Variants in DYRK1A observed in about 807,000 individuals in gnomAD.
DYRK1A encodes dual specificity tyrosine-phosphorylation-regulated kinase 1A.
DYRK1A carries 9 observed loss-of-function variants against 79.7 expected under a neutral mutation model. The observed-to-expected ratio is 0.11, with a 90% CI of 0.07 to 0.20. The LOEUF (loss-of-function observed/expected upper bound fraction) is 0.20. Ranked by LOEUF, DYRK1A falls within the 10% of genes least tolerant of loss-of-function variation. The probability of loss-of-function intolerance (pLI) is 1.00; values close to 1 mark genes in which losing one functional copy is unlikely to be tolerated. For missense variants in DYRK1A, 622 were observed against 956.0 expected (o/e 0.65, Z 4.61); for synonymous variants, 349 against 329.7 (o/e 1.06, Z -0.63).
intron 2 of DYRK1A, among the ~76,000 whole-genome samples, chr21:37,439,057 T>C (rs1218991080): frequency 2.0e-5 from 3 of 152,238 alleles, no homozygotes; most frequent in South Asian, 4.1e-4. Context: ...TTTGTCACTA[T>C]TTTAAATGGC....
intron 2 of DYRK1A, among the ~76,000 whole-genome samples, chr21:37,469,957 A>G (rs1427744750): frequency 1.3e-5 from 2 of 152,142 alleles, no homozygotes; most frequent in African/African-American, 4.8e-5. Context: ...CATCCTGGCT[A>G]ACATGGTGAA....
chr21:37,490,711 G>T (rs916950803), intron 7 of DYRK1A, among the ~76,000 whole-genome samples: 1 of 151,740 alleles, frequency 6.6e-6, no homozygotes, highest in Non-Finnish European at 1.5e-5. Flanking sequence ...TAATTACCTT[G>T]TGTTGATATC....
chr21:37,461,253 A>G (rs762707898), intron 2 of DYRK1A, among the ~76,000 whole-genome samples: 22 of 152,180 alleles, frequency 1.4e-4, no homozygotes, highest in Non-Finnish European at 2.9e-4. Context: ...TAAGTTATAC[A>G]TTTATTTAAA....
rs902900492 is a variant in DYRK1A at position 37,490,092 on chromosome 21, A to G, written c.638-83A>G. On this transcript the variant is annotated intron_variant, in intron 6 of 11. Coordinates refer to ENST00000647188, the MANE Select transcript of DYRK1A (RefSeq NM_001347721.2). The stretch of plus-strand genomic sequence containing the variant: ...ACTCTGCATTTGATGTAATAATGTT[A>G]TAGAACATTTGAGAGTGCATGTGTT... The G allele has an allele frequency of 1.1e-5, 14 of 1,313,046 alleles. No individual in the cohort carries two copies. In the African/African-American group the frequency reaches 1.8e-4, roughly 17 times the overall value. The allele number at this position is 1,313,046 out of a possible 1,614,324, so 81.3% of individuals were successfully genotyped here.
intron 1 of DYRK1A, among the ~76,000 whole-genome samples, chr21:37,401,429 A>G (rs1426359647): frequency 6.7e-6 from 1 of 149,648 alleles, no homozygotes; most frequent in African/African-American, 2.5e-5. Context: ...ATTTCTCTAC[A>G]CCTTAAGATA....
intron 1 of DYRK1A, among the ~76,000 whole-genome samples, chr21:37,373,231 A>G (rs2049469158): frequency 6.6e-6 from 1 of 152,192 alleles, no homozygotes; most frequent in African/African-American, 2.4e-5. Context: ...GATTTTGAGA[A>G]TGTGAAATGA....
intron 2 of DYRK1A, 85 bp downstream of exon 2, chr21:37,420,469 A>G (rs2050445489): frequency 1.4e-6 from 2 of 1,395,670 alleles, no homozygotes; most frequent in Admixed American, 1.7e-5. Context: ...GAGGTTTCTG[A>G]TAAATAGCAG....
intron 2 of DYRK1A, among the ~76,000 whole-genome samples, chr21:37,465,793 C>T (rs1283555792): frequency 6.6e-6 from 1 of 151,962 alleles, no homozygotes; most frequent in East Asian, 1.9e-4. Flanking sequence ...GCCAAGAGTG[C>T]ACCACTGCCC....
In DYRK1A at chr21:37,389,686, G is replaced by C. The variant is rs536166231; in HGVS notation, c.-77+22058G>C. 3.0e-4 allele frequency among the ~76,000 whole-genome samples: 45 copies of C among 152,198 alleles called. 3 individuals are homozygous for C. The Middle Eastern group carries it at 0.01, about 35-fold the overall frequency. ...GTATTTAGGAGTAAGGCATAAAGCTGATGAGAGCTCTTTGCGAGGGTGAGG... is the reference window on the plus strand; with the variant it reads ...GTATTTAGGAGTAAGGCATAAAGCTCATGAGAGCTCTTTGCGAGGGTGAGG... On this transcript the variant is annotated intron_variant, in intron 1 of 11. Transcript: ENST00000647188.
intron 1 of DYRK1A, among the ~76,000 whole-genome samples, chr21:37,385,020 ATGT>A (rs1457799362): frequency 6.6e-6 from 1 of 152,022 alleles, no homozygotes; most frequent in Non-Finnish European, 1.5e-5. Flanking sequence ...ATTGTGGTTA[ATGT>A]TGACATCTTG....
At chr21:37,378,349 A>G (rs940859941) in intron 1 of DYRK1A, among the ~76,000 whole-genome samples, 1 of 152,198 alleles carries the variant, frequency 6.6e-6, no homozygotes, top group Non-Finnish European at 1.5e-5. Context: ...CCTGACCGAC[A>G]TGGAGAAACC....
intron 2 of DYRK1A, among the ~76,000 whole-genome samples, chr21:37,450,551 A>G (rs2148500251): frequency 6.6e-6 from 1 of 152,310 alleles, no homozygotes; most frequent in Admixed American, 6.5e-5. Context: ...ACACAAAAGA[A>G]TTATCACACC....
chr21:37,441,140 G>C (rs758130160), intron 2 of DYRK1A, among the ~76,000 whole-genome samples: 1 of 152,066 alleles, frequency 6.6e-6, no homozygotes, highest in African/African-American at 2.4e-5. Flanking sequence ...TTTATCATTG[G>C]AAAATAACTT....
intron 2 of DYRK1A, among the ~76,000 whole-genome samples, chr21:37,455,243 AG>A (rs1367819829): frequency 3.3e-5 from 5 of 152,098 alleles, no homozygotes; most frequent in African/African-American, 1.2e-4. Context: ...AGTTAACCTT[AG>A]AGCTGGGACC....
At position 37,434,232 on chromosome 21, in the gene DYRK1A, A is replaced by T. The variant is rs952660176; in HGVS notation, c.10+13848A>T. Among the ~76,000 whole-genome samples the T allele has an allele frequency of 4.6e-5, 7 of 152,320 alleles. No homozygotes were observed. In the South Asian group the frequency reaches 6.2e-4, roughly 14 times the overall value. ...TTACAAATGCTAGACGTCTTTCTGGAGACGTTTATAGACACTCTATGGAAA... is the reference window on the plus strand; with the variant it reads ...TTACAAATGCTAGACGTCTTTCTGGTGACGTTTATAGACACTCTATGGAAA... On this transcript the variant is annotated intron_variant, in intron 2 of 11. Coordinates refer to ENST00000647188, the MANE Select transcript of DYRK1A (RefSeq NM_001347721.2).
chr21:37,465,692 C>T (rs745641216), intron 2 of DYRK1A, among the ~76,000 whole-genome samples: 4 of 152,032 alleles, frequency 2.6e-5, no homozygotes, highest in Non-Finnish European at 5.9e-5. Flanking sequence ...CAAAAATTAG[C>T]TATGGGTGGT....
intron 2 of DYRK1A, among the ~76,000 whole-genome samples, chr21:37,454,600 A>G (rs2051573360): frequency 1.3e-5 from 2 of 152,224 alleles, no homozygotes; most frequent in Admixed American, 1.3e-4. Flanking sequence ...CATTTTAAAA[A>G]GTATTGTTGT....
At chr21:37,485,327 C>T (rs141671717) in intron 5 of DYRK1A, among the ~76,000 whole-genome samples, 1 of 152,278 alleles carries the variant, frequency 6.6e-6, no homozygotes, top group Non-Finnish European at 1.5e-5. Context: ...ATCAGAACCC[C>T]TTGGCCACAT....
At chr21:37,495,452 G>A (rs575823390) in intron 8 of DYRK1A, among the ~76,000 whole-genome samples, 35 of 152,172 alleles carry the variant, frequency 2.3e-4, no homozygotes, top group Non-Finnish European at 4.7e-4. Flanking sequence ...GAGGTCAAGA[G>A]TTTAAGACCA....
Sources: gnomAD v4.1 joint callset for allele counts (sites outside exome capture counted in the v4.1 genomes callset) on GRCh38, gnomAD v4.1.1 for gene constraint, MANE v1.5 for transcripts, NCBI Gene and HGNC (gene_info 2026-07-23, HGNC 2026-07-21) for gene names.